Variants in INSL6 observed in about 807,000 individuals in gnomAD.
The protein encoded by INSL6 is insulin-like peptide INSL6.
A neutral mutation model predicts 9.4 loss-of-function variants in INSL6; 16 were observed. That is an observed-to-expected ratio of 1.70 (90% confidence interval 1.15 to 2.59). The LOEUF (loss-of-function observed/expected upper bound fraction) is 2.59, where lower values mean the gene tolerates loss of function less well. Ranked by LOEUF, INSL6 falls within the 30% of genes most tolerant of loss-of-function variation. INSL6 has a pLI of 0.00. For missense variants in INSL6, 391 were observed against 257.3 expected (o/e 1.52, Z -3.56); for synonymous variants, 154 against 96.9 (o/e 1.59, Z -3.46).
chr9:5,002,705 C>T, the INSL6 span, among the ~76,000 whole-genome samples: 5 of 151,734 alleles, frequency 3.3e-5, no homozygotes, highest in Non-Finnish European at 7.4e-5. Flanking sequence ...TTTGTTAATT[C>T]CTGAGAAATG....
At chr9:5,132,473 C>G (rs1824310165) in intron 3 of INSL6, among the ~76,000 whole-genome samples, 1 of 151,892 alleles carries the variant, frequency 6.6e-6, no homozygotes, top group African/African-American at 2.4e-5. Flanking sequence ...TAGTAATTGC[C>G]TAGGCCATTC....
At chr9:5,126,647 G>T (rs369491871) in intron 3 of INSL6, 12 of 1,405,760 alleles carry the variant, frequency 8.5e-6, no homozygotes, top group Admixed American at 1.8e-5. Context: ...ATGGCCCTTA[G>T]TGTTCATTTA....
At chr9:5,065,750 G>T in the INSL6 span, among the ~76,000 whole-genome samples, 1 of 151,956 alleles carries the variant, frequency 6.6e-6, no homozygotes, top group East Asian at 1.9e-4. Flanking sequence ...CTCTTAGCTA[G>T]GATGTGGTTT....
chr9:5,083,965 T>G, the INSL6 span, among the ~76,000 whole-genome samples: 1 of 147,444 alleles, frequency 6.8e-6, no homozygotes, highest in Non-Finnish European at 1.5e-5. Flanking sequence ...TTTCCCATTA[T>G]TAATATTCTT....
At chr9:5,112,514 C>A in the INSL6 span, 1 of 577,014 alleles carries the variant, frequency 1.7e-6, no homozygotes, top group Non-Finnish European at 3.1e-6. Flanking sequence ...GACCTTTTCC[C>A]CCCAGAGCAG....
the INSL6 span, among the ~76,000 whole-genome samples, chr9:4,998,855 G>C: frequency 0.34 from 52,083 of 151,626 alleles, 9,634 homozygotes; most frequent in African/African-American, 0.49. Context: ...TTTTGAGATG[G>C]AGTCTCCCTC....
chr9:5,025,686 C>A, the INSL6 span, among the ~76,000 whole-genome samples: 12 of 152,010 alleles, frequency 7.9e-5, no homozygotes, highest in African/African-American at 2.9e-4. Flanking sequence ...GCACCCACCA[C>A]CACACCCAGC....
At chr9:5,111,557 G>A in the INSL6 span, 1 of 364,944 alleles carries the variant, frequency 2.7e-6, no homozygotes, top group South Asian at 2.1e-5. Context: ...CTTCTACATG[G>A]CAGATGGCAG....
At chr9:5,114,553 C>T in the INSL6 span, 6 of 484,054 alleles carry the variant, frequency 1.2e-5, no homozygotes, top group Non-Finnish European at 2.4e-5. Context: ...CGCACCCTCA[C>T]CTGCCTGATC....
the INSL6 span, among the ~76,000 whole-genome samples, chr9:5,058,802 G>A: frequency 9.2e-5 from 14 of 152,034 alleles, no homozygotes; most frequent in Admixed American, 5.2e-4. Context: ...GTTGCTGAGC[G>A]TCTTTTCATA....
chr9:5,162,025 G>GCTGTGATCACACTA (rs921909581), downstream of INSL6, among the ~76,000 whole-genome samples: 5 of 151,872 alleles, frequency 3.3e-5, no homozygotes, highest in Non-Finnish European at 7.4e-5. Flanking sequence ...GGTGTAGTGA[G>GCTGTGATCACACTA]CTGTGATCAC....
chr9:5,102,057 G>A, the INSL6 span, among the ~76,000 whole-genome samples: 2 of 152,214 alleles, frequency 1.3e-5, no homozygotes, highest in African/African-American at 4.8e-5. Context: ...GCTGACAGAA[G>A]TAGGCTTCAG....
chr9:5,122,961 A>C (rs754798327), downstream of INSL6: 5 of 1,266,368 alleles, frequency 3.9e-6, no homozygotes, highest in South Asian at 6.6e-5. Context: ...AAGAGTCCAC[A>C]TATCAAGTAA....
the INSL6 span, chr9:5,069,185 A>C: frequency 4.4e-6 from 7 of 1,606,614 alleles, no homozygotes; most frequent in Non-Finnish European, 5.9e-6. Context: ...CAGTTTACTA[A>C]ATGCTGTCCC....
chr9:5,137,737 T>C (rs775850108), intron 2 of INSL6, among the ~76,000 whole-genome samples: 1 of 152,130 alleles, frequency 6.6e-6, no homozygotes, highest in Admixed American at 6.5e-5. Context: ...AATTGACATA[T>C]GGGATCTAAT....
At chr9:5,163,410 AACTG>A (rs1824969414), downstream of INSL6, among the ~76,000 whole-genome samples, 1 of 152,204 alleles carries the variant, frequency 6.6e-6, no homozygotes, top group African/African-American at 2.4e-5. Context: ...TGTGAAGAGA[AACTG>A]ACTACTATAA....
intron 3 of INSL6, among the ~76,000 whole-genome samples, chr9:5,129,090 A>T (rs1209083121): frequency 6.6e-6 from 1 of 152,026 alleles, no homozygotes; most frequent in Admixed American, 6.6e-5. Context: ...AGTCAAGTGT[A>T]ATTTTCATCA....
the INSL6 span, among the ~76,000 whole-genome samples, chr9:5,116,012 C>T: frequency 6.6e-6 from 1 of 151,928 alleles, no homozygotes; most frequent in Non-Finnish European, 1.5e-5. Flanking sequence ...CCTACGTTAA[C>T]AAACCTGCAC....
chr9:5,051,045 C>G, the INSL6 span, among the ~76,000 whole-genome samples: 1 of 152,078 alleles, frequency 6.6e-6, no homozygotes, highest in Non-Finnish European at 1.5e-5. Flanking sequence ...ACCCCTAATC[C>G]AAAATGCTCT....
Sources: gnomAD v4.1 joint callset for allele counts (sites outside exome capture counted in the v4.1 genomes callset) on GRCh38, gnomAD v4.1.1 for gene constraint, MANE v1.5 for transcripts, NCBI Gene and HGNC (gene_info 2026-07-23, HGNC 2026-07-21) for gene names.